CNTN5: variants seen among roughly 807,000 people sequenced by gnomAD.
CNTN5 encodes contactin-5.
Under a neutral mutation model 129.1 loss-of-function variants are expected in CNTN5, and 77 were observed. The ratio of observed to expected loss-of-function variants is 0.60; its 90% CI spans 0.50 to 0.72. CNTN5 has a LOEUF of 0.72. Among genes scored for constraint, CNTN5 ranks in the 30% least tolerant of loss-of-function variants. The pLI is 0.00. For synonymous variants in CNTN5, 509 were observed against 465.6 expected (o/e 1.09, Z -1.20); for missense variants, 1,478 against 1,328.8 (o/e 1.11, Z -1.75).
chr11:99,905,132 T>G (rs1949464010), intron 6 of CNTN5, among the ~76,000 whole-genome samples: 1 of 152,210 alleles, frequency 6.6e-6, no homozygotes, highest in South Asian at 2.1e-4. Flanking sequence ...GTGCAGAAGC[T>G]CTTTAGTTTA....
intron 18 of CNTN5, among the ~76,000 whole-genome samples, chr11:100,293,300 T>C (rs1565407411): frequency 6.6e-6 from 1 of 151,868 alleles, no homozygotes; most frequent in Non-Finnish European, 1.5e-5. Context: ...AGAAAATTCT[T>C]ACATTTCCTG....
chr11:99,256,743 A>G (rs1050573927), intron 1 of CNTN5, among the ~76,000 whole-genome samples: 1 of 152,086 alleles, frequency 6.6e-6, no homozygotes, highest in African/African-American at 2.4e-5. Context: ...AGAACTACAT[A>G]GATAATATAA....
chr11:100,226,600 A>G (rs751723815), intron 16 of CNTN5, among the ~76,000 whole-genome samples: 1 of 152,206 alleles, frequency 6.6e-6, no homozygotes, highest in Non-Finnish European at 1.5e-5. Flanking sequence ...TATTCATGTA[A>G]CATTCAGCCC....
intron 6 of CNTN5, among the ~76,000 whole-genome samples, chr11:99,901,615 G>C (rs903142761): frequency 2.6e-5 from 4 of 152,058 alleles, no homozygotes; most frequent in Non-Finnish European, 4.4e-5. Context: ...TTCTATTCAT[G>C]AGCATAGAAT....
At chr11:99,981,445 A>C (rs1033169086) in intron 8 of CNTN5, among the ~76,000 whole-genome samples, 2 of 152,112 alleles carry the variant, frequency 1.3e-5, no homozygotes, top group African/African-American at 2.4e-5. Flanking sequence ...GTTCTGTCTG[A>C]GTCCCAAGCC....
At chr11:99,217,030 A>C (rs1860162081) in intron 1 of CNTN5, among the ~76,000 whole-genome samples, 1 of 152,128 alleles carries the variant, frequency 6.6e-6, no homozygotes, top group Non-Finnish European at 1.5e-5. Flanking sequence ...TAAACATACA[A>C]AAATTAGCCA....
At chr11:99,119,244 G>A (rs551451270) in intron 1 of CNTN5, among the ~76,000 whole-genome samples, 5 of 152,192 alleles carry the variant, frequency 3.3e-5, no homozygotes, top group East Asian at 3.9e-4. Flanking sequence ...TGTCATCCAG[G>A]TATTAAGCCT....
At chr11:100,285,343 G>A (rs1366513840) in intron 18 of CNTN5, among the ~76,000 whole-genome samples, 1 of 152,102 alleles carries the variant, frequency 6.6e-6, no homozygotes, top group Non-Finnish European at 1.5e-5. Context: ...AGTCTCCACT[G>A]CAGACAGCCA....
At chr11:100,091,855 T>C (rs1002154352) in intron 13 of CNTN5, among the ~76,000 whole-genome samples, 1 of 152,122 alleles carries the variant, frequency 6.6e-6, no homozygotes, top group African/African-American at 2.4e-5. Flanking sequence ...ATGTTTTAAA[T>C]GAATTTTTGG....
At chr11:99,630,249 T>TATATATATATATATATGTGTGTATATAC (rs1951290948) in intron 3 of CNTN5, among the ~76,000 whole-genome samples, 22 of 1,190 alleles carry the variant, frequency 0.018, 1 homozygote, top group African/African-American at 0.019. Context: ...TGTATATACA[T>TATATATATATATATATGTGTGTATATAC]ATATATATAT....
intron 1 of CNTN5, among the ~76,000 whole-genome samples, chr11:99,321,082 T>G (rs567244449): frequency 2.0e-5 from 3 of 152,222 alleles, no homozygotes; most frequent in African/African-American, 7.2e-5. Flanking sequence ...TTTGCTGTGT[T>G]TTGATGCTGC....
intron 13 of CNTN5, among the ~76,000 whole-genome samples, chr11:100,091,689 A>C (rs1021879767): frequency 6.6e-6 from 1 of 151,976 alleles, no homozygotes; most frequent in Non-Finnish European, 1.5e-5. Flanking sequence ...GGTCTACCAA[A>C]GTGCTGGGAT....
intron 1 of CNTN5, among the ~76,000 whole-genome samples, chr11:99,191,572 C>A (rs1213695114): frequency 1.3e-5 from 2 of 151,634 alleles, no homozygotes; most frequent in African/African-American, 4.8e-5. Flanking sequence ...TTAGGCCATG[C>A]AATAAAATGT....
chr11:99,919,515 A>G (rs1234104925), intron 7 of CNTN5, among the ~76,000 whole-genome samples: 7 of 151,920 alleles, frequency 4.6e-5, no homozygotes, highest in African/African-American at 1.7e-4. Context: ...ACTCTATCCA[A>G]TTCTATTCCT....
intron 21 of CNTN5, among the ~76,000 whole-genome samples, chr11:100,316,971 CTTCT>C (rs1253261686): frequency 1.3e-5 from 2 of 152,206 alleles, no homozygotes; most frequent in African/African-American, 4.8e-5. Context: ...CCTCTAGCAA[CTTCT>C]TTGTTTGGGC....
intron 1 of CNTN5, among the ~76,000 whole-genome samples, chr11:99,312,040 G>T (rs80235314): frequency 6.6e-6 from 1 of 152,088 alleles, no homozygotes; most frequent in Non-Finnish European, 1.5e-5. Context: ...TAAATTTCAA[G>T]TGGCCACAAA....
chr11:100,102,674 G>A (rs543328617), intron 13 of CNTN5, among the ~76,000 whole-genome samples: 11 of 152,156 alleles, frequency 7.2e-5, no homozygotes, highest in African/African-American at 2.6e-4. Flanking sequence ...ACGTTTAAAA[G>A]AACAGTTTTA....
intron 7 of CNTN5, among the ~76,000 whole-genome samples, chr11:99,924,206 T>C (rs1295384707): frequency 6.6e-6 from 1 of 152,242 alleles, no homozygotes; most frequent in African/African-American, 2.4e-5. Context: ...CATTTTTACA[T>C]GGTTGCTGGC....
intron 1 of CNTN5, among the ~76,000 whole-genome samples, chr11:99,076,755 T>C (rs911015575): frequency 6.6e-6 from 1 of 152,186 alleles, no homozygotes; most frequent in African/African-American, 2.4e-5. Flanking sequence ...CTAATTTTCT[T>C]TGGTATTTGG....
Sources: allele counts gnomAD v4.1 joint callset (sites outside exome capture counted in the v4.1 genomes callset), GRCh38; gene constraint gnomAD v4.1.1; transcripts MANE v1.5; gene names NCBI Gene and HGNC (gene_info 2026-07-23, HGNC 2026-07-21).